The following SESN3 variants were observed in gnomAD, a reference collection of about 807,000 sequenced individuals.
SESN3 encodes the protein sestrin 3.
SESN3 carries 21 observed loss-of-function variants against 55.3 expected under a neutral mutation model. That is an observed-to-expected ratio of 0.38 (90% CI 0.27 to 0.55). The LOEUF (loss-of-function observed/expected upper bound fraction) is 0.55, where lower values mean the gene tolerates loss of function less well. Among genes scored for constraint, SESN3 ranks in the 20% least tolerant of loss-of-function variants. The probability of loss-of-function intolerance (pLI) is 0.76; values close to 1 mark genes in which losing one functional copy is unlikely to be tolerated. For missense variants in SESN3, 408 were observed against 604.3 expected, an observed-to-expected ratio of 0.68 and a Z score of 3.41; for synonymous variants, 181 against 203.1, an observed-to-expected ratio of 0.89 and a Z score of 0.93.
chr11:95,197,240 T>A (rs1163337004), intron 1 of SESN3, among the ~76,000 whole-genome samples: 1 of 152,102 alleles, frequency 6.6e-6, no homozygotes, highest in Non-Finnish European at 1.5e-5. Context: ...AACTGAAATT[T>A]TATTGCCATT....
chr11:95,211,167 T>G (rs1037819103), intron 1 of SESN3, among the ~76,000 whole-genome samples: 11 of 152,216 alleles, frequency 7.2e-5, no homozygotes, highest in Admixed American at 2.0e-4. Context: ...ATGTAGAAAC[T>G]TGGGGCATCT....
intron 1 of SESN3, among the ~76,000 whole-genome samples, chr11:95,218,048 TTG>T (rs1394185374): frequency 6.6e-6 from 1 of 152,228 alleles, no homozygotes; most frequent in Non-Finnish European, 1.5e-5. Flanking sequence ...GGTACCACCT[TTG>T]TCCCCTCTGG....
chr11:95,192,327 T>C (rs1299632524), intron 2 of SESN3, among the ~76,000 whole-genome samples: 1 of 152,124 alleles, frequency 6.6e-6, no homozygotes, highest in Non-Finnish European at 1.5e-5. Context: ...GAACTGGTTC[T>C]GAAGGTGTTA....
chr11:95,200,188 C>CA lies in SESN3; in HGVS notation c.79-6667dup, dbSNP rs1273911280. Among the ~76,000 whole-genome samples, 44 of 152,102 alleles carry CA rather than the reference C, an allele frequency of 2.9e-4. No individual in the cohort carries two copies. In the East Asian group the frequency reaches 4.4e-3, roughly 15 times the overall value. ...CGACAAAAAAGTAGGTATAAACAGG[C>CA]AGCTCTATGCTATGAAATAATGCTG... On this transcript the variant is annotated intron_variant, in intron 1 of 9. Coordinates refer to ENST00000536441, the MANE Select transcript of SESN3 (RefSeq NM_144665.4).
Position 95,193,421 on chromosome 11 carries a change from A to T in SESN3, c.144+36T>A, listed in dbSNP as rs763826684. On this transcript the variant is annotated intron_variant, in intron 2 of 9. Transcript: ENST00000536441. ...TTTGATACAGTTAAGTTATTTTTAA[A>T]TCTTACTTTTTATATTTTAAGACAG... 1.1e-5 allele frequency: 13 copies of T among 1,202,438 alleles called. No homozygotes were observed. The South Asian group carries it at 1.5e-4, about 14-fold the overall frequency. 74.5% of individuals were successfully genotyped at this position (1,202,438 alleles called of 1,614,324 possible). A position where few individuals can be genotyped will look rare whatever the true frequency, so the allele number is the denominator to read the frequency against.
chr11:95,170,727 G>C lies in SESN3; in HGVS notation c.*2528C>G, dbSNP rs865905713. On this transcript the variant is annotated 3_prime_UTR_variant, in exon 10 of 10. Coordinates refer to ENST00000536441, the MANE Select transcript of SESN3 (RefSeq NM_144665.4). ...ATGCTGTGCATGCTGCGTATTAGTA[G>C]GTGCTTTAGCACCTGCAGAAGTCAA... The C allele has an allele frequency of 6.6e-6, 1 of 152,132 alleles. No homozygotes were observed. Among genetic ancestry groups the C allele is most frequent in the Non-Finnish European group, 1.5e-5 (1 of 68,014 alleles). The allele number at this position is 152,132 out of a possible 1,614,324, so 9.4% of individuals were successfully genotyped here. A position where few individuals can be genotyped will look rare whatever the true frequency, so the allele number is the denominator to read the frequency against.
intron 1 of SESN3, among the ~76,000 whole-genome samples, chr11:95,197,418 T>C (rs1409622289): frequency 1.3e-5 from 2 of 151,406 alleles, no homozygotes; most frequent in Non-Finnish European, 2.9e-5. Context: ...TGGGCAACTC[T>C]CTTCTTTTTG....
chr11:95,227,553 C>T (rs1237924704), intron 1 of SESN3, among the ~76,000 whole-genome samples: 1 of 151,916 alleles, frequency 6.6e-6, no homozygotes, highest in Non-Finnish European at 1.5e-5. Context: ...ATAAAACCAT[C>T]AAAAAGATGT....
chr11:95,185,174 T>G (rs1860139514), intron 5 of SESN3, 82 bp downstream of exon 5: 1 of 785,992 alleles, frequency 1.3e-6, no homozygotes, highest in African/African-American at 1.8e-5. Context: ...CCTATCTAAT[T>G]GGAGAAAAAT....
At chr11:95,226,349 C>A (rs1396635417) in intron 1 of SESN3, among the ~76,000 whole-genome samples, 1 of 152,176 alleles carries the variant, frequency 6.6e-6, no homozygotes, top group African/African-American at 2.4e-5. Context: ...ATCAAAAGAT[C>A]TGTTAAAGAC....
At chr11:95,208,548 T>G (rs946308063) in intron 1 of SESN3, among the ~76,000 whole-genome samples, 1 of 151,522 alleles carries the variant, frequency 6.6e-6, no homozygotes, top group Non-Finnish European at 1.5e-5. Flanking sequence ...ATTGACTTTC[T>G]TCACAGAATT....
intron 1 of SESN3, among the ~76,000 whole-genome samples, chr11:95,222,545 T>C (rs1860876696): frequency 6.6e-6 from 1 of 152,206 alleles, no homozygotes; most frequent in Admixed American, 6.5e-5. Context: ...ATTTTTAAAA[T>C]AAATGTCTTT....
intron 6 of SESN3, among the ~76,000 whole-genome samples, 199 bp from the exon 7 acceptor site, chr11:95,179,027 T>G (rs1860011765): frequency 6.6e-6 from 1 of 152,204 alleles, no homozygotes; most frequent in Non-Finnish European, 1.5e-5. Flanking sequence ...AATCTTACCA[T>G]TTAACTAGTT....
At chr11:95,176,303 G>A (rs1257369606) in intron 8 of SESN3, among the ~76,000 whole-genome samples, 1 of 152,206 alleles carries the variant, frequency 6.6e-6, no homozygotes, top group East Asian at 1.9e-4. Context: ...ACACAATTTT[G>A]TCAGAGATTT....
At chr11:95,201,907 GCT>G (rs1860466569) in intron 1 of SESN3, among the ~76,000 whole-genome samples, 1 of 151,968 alleles carries the variant, frequency 6.6e-6, no homozygotes, top group Admixed American at 6.6e-5. Flanking sequence ...TCTTTTCTGT[GCT>G]CTGTGGAAAT....
intron 4 of SESN3, among the ~76,000 whole-genome samples, chr11:95,189,089 T>C (rs542047370): frequency 6.6e-6 from 1 of 152,028 alleles, no homozygotes; most frequent in East Asian, 1.9e-4. Context: ...GGAACAGATA[T>C]TTTAAATAAC....
chr11:95,209,482 A>G (rs1860609652), intron 1 of SESN3, among the ~76,000 whole-genome samples: 1 of 151,414 alleles, frequency 6.6e-6, no homozygotes, highest in Non-Finnish European at 1.5e-5. Context: ...ATTGTGGAAG[A>G]CCGTGTGGCG....
intron 1 of SESN3, among the ~76,000 whole-genome samples, chr11:95,215,405 C>A (rs984237788): frequency 6.6e-6 from 1 of 152,166 alleles, no homozygotes; most frequent in Admixed American, 6.5e-5. Flanking sequence ...AATACTTCAA[C>A]CTTTCTCAAA....
rs754315673 is a variant in SESN3 at position 95,191,409 on chromosome 11, T to C, written c.337A>G (p.Ile113Val). ...ATAGGAAAATAAGCACCCACCATTA[T>C]TGCAATATAGTGCCTGTATGGTAGA... ...LPLPYRHYIA[I>V]MAAARHQCSY... The change falls in exon 3 of 10, where the codon ATA (isoleucine) becomes GTA (valine). Residue 113 changes from isoleucine to valine, a missense_variant. Around this residue, in one of 4 missense-constraint regions of SESN3, gnomAD observed 107 missense variants for 211.3 expected, o/e 0.51. Transcript: ENST00000536441. The C allele has an allele frequency of 3.0e-5, 48 of 1,610,172 alleles. No homozygotes were observed. Among genetic ancestry groups the C allele is most frequent in the Non-Finnish European group, 3.8e-5 (45 of 1,176,856 alleles).
Sources: allele counts gnomAD v4.1 joint callset (sites outside exome capture counted in the v4.1 genomes callset), GRCh38; gene constraint gnomAD v4.1.1; regional missense constraint gnomAD v4.1.1; transcripts MANE v1.5; gene names NCBI Gene and HGNC (gene_info 2026-07-23, HGNC 2026-07-21).